JMJD1C: variants seen among roughly 807,000 people sequenced by gnomAD.
The protein encoded by JMJD1C is jumonji domain-containing protein 1C.
In JMJD1C, 31 loss-of-function variants were observed where a neutral mutation model predicts 245.3. That is an observed-to-expected ratio of 0.13 (90% CI 0.09 to 0.17). The LOEUF is 0.17. JMJD1C is among the 10% of genes least tolerant of loss of function. The pLI is 1.00. For synonymous variants in JMJD1C, 1,057 were observed against 1,017.4 expected (o/e 1.04, Z -0.74); for missense variants, 2,691 against 3,000.2 (o/e 0.90, Z 2.41).
At chr10:63,353,278 AACTT>A (rs1474325261) in intron 2 of JMJD1C, among the ~76,000 whole-genome samples, 1 of 152,152 alleles carries the variant, frequency 6.6e-6, no homozygotes, top group Non-Finnish European at 1.5e-5. Flanking sequence ...AACTCAAAGA[AACTT>A]ACAGCAATAA....
intron 3 of JMJD1C, among the ~76,000 whole-genome samples, chr10:63,241,381 G>A (rs952621099): frequency 1.3e-5 from 2 of 152,076 alleles, no homozygotes; most frequent in Non-Finnish European, 2.9e-5. Context: ...GCCACAAATC[G>A]ATAATTGTTA....
At chr10:63,293,851 C>T (rs1167959576) in intron 2 of JMJD1C, among the ~76,000 whole-genome samples, 1 of 152,020 alleles carries the variant, frequency 6.6e-6, no homozygotes, top group Admixed American at 6.6e-5. Flanking sequence ...GTGGATGTGG[C>T]TCAAGATTAA....
At chr10:63,386,427 T>G (rs1418803696) in intron 1 of JMJD1C, among the ~76,000 whole-genome samples, 1 of 152,206 alleles carries the variant, frequency 6.6e-6, no homozygotes, top group Non-Finnish European at 1.5e-5. Context: ...CTGGGGATCA[T>G]GCCACCCCTG....
intron 1 of JMJD1C, among the ~76,000 whole-genome samples, chr10:63,489,121 C>T (rs1286999195): frequency 1.3e-5 from 2 of 152,082 alleles, no homozygotes; most frequent in African/African-American, 2.4e-5. Context: ...AAAATGAGGC[C>T]GGGCGCAGTG....
At position 63,206,878 on chromosome 10, in the gene JMJD1C, A is replaced by G. The variant is rs753924601; in HGVS notation, c.4791T>C (p.Ser1597=). The stretch of plus-strand genomic sequence containing the variant: ...TATCAACTATGATCTTACTATCTAC[A>G]CTATTTTGTATATCACTAGATGTAG... ...IASTSSDIQN[S]VDSKIIVDKY... The change falls in exon 10 of 26, where the codon AGT becomes AGC. Residue 1597 remains serine, a synonymous_variant. Coordinates refer to ENST00000399262, the MANE Select transcript of JMJD1C (RefSeq NM_032776.3). 4.2e-5 allele frequency: 67 copies of G among 1,608,790 alleles called. No individual in the cohort carries two copies. In the East Asian group the frequency reaches 1.5e-3, roughly 36 times the overall value.
chr10:63,184,788 A>T, intron 20 of JMJD1C, 50 bp from the exon 21 acceptor site: 1 of 1,526,028 alleles, frequency 6.6e-7, no homozygotes, highest in Non-Finnish European at 8.9e-7. Context: ...TGCATTGCTA[A>T]GTATTTTCAC....
chr10:63,216,724 A>G (rs1272847960), intron 5 of JMJD1C, among the ~76,000 whole-genome samples: 1 of 143,010 alleles, frequency 7.0e-6, no homozygotes. Context: ...AACAAAAAAC[A>G]AAAAACAAAC....
chr10:63,451,526 T>C (rs1952068701), intron 1 of JMJD1C, among the ~76,000 whole-genome samples: 2 of 152,224 alleles, frequency 1.3e-5, no homozygotes, highest in African/African-American at 2.4e-5. Context: ...AAAAATACAG[T>C]ATAACAACTA....
At chr10:63,335,319 C>T (rs1942611422) in intron 2 of JMJD1C, among the ~76,000 whole-genome samples, 1 of 152,246 alleles carries the variant, frequency 6.6e-6, no homozygotes, top group East Asian at 1.9e-4. Flanking sequence ...ATAATGTAGG[C>T]ATGGGGGCAA....
intron 1 of JMJD1C, among the ~76,000 whole-genome samples, chr10:63,473,719 T>C (rs890397702): frequency 6.6e-6 from 1 of 152,152 alleles, no homozygotes; most frequent in Admixed American, 6.5e-5. Flanking sequence ...TATGACTAAA[T>C]TTTTGTTAAA....
chr10:63,518,955 T>C (rs917668429), intron 1 of JMJD1C, among the ~76,000 whole-genome samples: 20 of 152,222 alleles, frequency 1.3e-4, no homozygotes, highest in Non-Finnish European at 5.9e-5. Flanking sequence ...CAATGACCTA[T>C]GTGATCACCC....
chr10:63,214,374 G>C lies in JMJD1C; in HGVS notation c.1793C>G (p.Ser598Cys), dbSNP rs1172849797. The C allele has an allele frequency of 6.2e-7, 1 of 1,613,998 alleles. No individual in the cohort carries two copies. The highest frequency in any genetic ancestry group is 8.5e-7 in the Non-Finnish European group (1 of 1,180,008). The stretch of plus-strand genomic sequence containing the variant: ...AACTGCACTTAAAGGAGAAATGTAA[G>C]AGACATACTTCTCTTTTTCCATGTT... ...HLNMEKEKYVSYISPLSAVSV... is the reference protein window; with the variant it reads ...HLNMEKEKYVCYISPLSAVSV... The change falls in exon 8 of 26, where the codon TCT (serine) becomes TGT (cysteine). Residue 598 changes from serine to cysteine, a missense_variant. Physicochemically the swap from Ser to Cys is moderately radical, Grantham distance 112 (BLOSUM62 -1). Transcript: ENST00000399262.
chr10:63,373,941 A>G (rs747297943), intron 2 of JMJD1C, among the ~76,000 whole-genome samples: 11 of 152,182 alleles, frequency 7.2e-5, no homozygotes, highest in Non-Finnish European at 1.6e-4. Context: ...TTTCTTAATT[A>G]TTACAAACAA....
chr10:63,430,753 ATC>A (rs1204426688), intron 1 of JMJD1C, among the ~76,000 whole-genome samples: 5 of 152,180 alleles, frequency 3.3e-5, no homozygotes, highest in Non-Finnish European at 7.3e-5. Flanking sequence ...CAATAAAACT[ATC>A]TAATTTATTT....
chr10:63,433,243 A>G (rs1422565749), intron 1 of JMJD1C, among the ~76,000 whole-genome samples: 1 of 151,706 alleles, frequency 6.6e-6, no homozygotes, highest in Non-Finnish European at 1.5e-5. Context: ...ATTACAGGAA[A>G]GCGCTACCAT....
intron 3 of JMJD1C, among the ~76,000 whole-genome samples, chr10:63,229,728 T>C (rs1197845763): frequency 1.3e-5 from 2 of 152,186 alleles, no homozygotes; most frequent in Non-Finnish European, 2.9e-5. Context: ...AAAAGGATTG[T>C]TGTACCAGGG....
rs1408580861 is a variant in JMJD1C at position 63,176,467 on chromosome 10, T to C, written c.7231A>G (p.Lys2411Glu). 2 of 1,610,856 alleles carry C rather than the reference T, an allele frequency of 1.2e-6. No individual in the cohort carries two copies. Among genetic ancestry groups the C allele is most frequent in the Non-Finnish European group, 1.7e-6 (2 of 1,178,124 alleles). The change falls in exon 24 of 26, where the codon AAA (lysine) becomes GAA (glutamate). Residue 2411 changes from lysine (K) to glutamate (E), a missense_variant. Transcript: ENST00000399262. ...KIREFLQKIS[K>E]EQGLEVLPEH... ...GGTAGAACTTCAAGGCCTTGTTCTT[T>C]TGAAATCTGAAATATGAATTAAAAT...
intron 2 of JMJD1C, among the ~76,000 whole-genome samples, chr10:63,327,431 TA>T (rs911664967): frequency 6.6e-6 from 1 of 152,156 alleles, no homozygotes; most frequent in Non-Finnish European, 1.5e-5. Flanking sequence ...ATTATATGTA[TA>T]TTTCCCCCAC....
At chr10:63,285,034 C>A (rs540110301) in intron 2 of JMJD1C, among the ~76,000 whole-genome samples, 2 of 152,154 alleles carry the variant, frequency 1.3e-5, no homozygotes, top group South Asian at 2.1e-4. Context: ...AGCAAACCCA[C>A]GCAGACATGG....
Sources: gnomAD v4.1 joint callset for allele counts (sites outside exome capture counted in the v4.1 genomes callset) on GRCh38, gnomAD v4.1.1 for gene constraint, MANE v1.5 for transcripts, NCBI Gene and HGNC (gene_info 2026-07-23, HGNC 2026-07-21) for gene names.